RADIL: variants seen among roughly 807,000 people sequenced by gnomAD.
The protein encoded by RADIL is ras-associating and dilute domain-containing protein.
In RADIL, 99 loss-of-function variants were observed where a neutral mutation model predicts 97.6. The observed-to-expected ratio is 1.01, with a 90% confidence interval of 0.86 to 1.20. The LOEUF (loss-of-function observed/expected upper bound fraction) is 1.20, where lower values mean the gene tolerates loss of function less well. Among genes scored for constraint, RADIL ranks in the 50% most tolerant of loss-of-function variants. RADIL has a pLI of 0.00. For synonymous variants in RADIL, 803 were observed against 691.8 expected, an observed-to-expected ratio of 1.16 and a Z score of -2.52; for missense variants, 1,765 against 1,498.9, an observed-to-expected ratio of 1.18 and a Z score of -2.93.
At chr7:4,868,050 T>C (rs1415113821) in intron 2 of RADIL, among the ~76,000 whole-genome samples, 4 of 152,142 alleles carry the variant, frequency 2.6e-5, no homozygotes, top group African/African-American at 9.7e-5. Flanking sequence ...GGTTTCTTAT[T>C]ATGGGGAAAT....
chr7:4,808,048 CT>C (rs1396549430), intron 9 of RADIL, among the ~76,000 whole-genome samples: 3 of 124,036 alleles, frequency 2.4e-5, no homozygotes, highest in African/African-American at 9.5e-5. Context: ...TCCTTCCTCC[CT>C]CTCCTTCTCT....
At chr7:4,809,078 T>G (rs2115175618) in intron 9 of RADIL, 2 of 974,184 alleles carry the variant, frequency 2.1e-6, no homozygotes, top group South Asian at 9.7e-5. Flanking sequence ...CCCCTCCGCG[T>G]CTCCTGTAGA....
intron 2 of RADIL, among the ~76,000 whole-genome samples, chr7:4,853,719 GCAA>G (rs1359549100): frequency 1.5e-5 from 2 of 131,356 alleles, no homozygotes; most frequent in African/African-American, 6.3e-5. Flanking sequence ...TCCAGCCTGG[GCAA>G]CAACAGTGAA....
At chr7:4,802,993 C>T (rs1307518512) in intron 11 of RADIL, among the ~76,000 whole-genome samples, 3 of 77,540 alleles carry the variant, frequency 3.9e-5, no homozygotes, top group Non-Finnish European at 6.9e-5. Flanking sequence ...TCGGGGCACT[C>T]TGGCTGGGCC....
chr7:4,820,633 A>G (rs1374826477), intron 6 of RADIL, among the ~76,000 whole-genome samples: 2 of 152,194 alleles, frequency 1.3e-5, no homozygotes, highest in Non-Finnish European at 2.9e-5. Flanking sequence ...AGAAGGAAAC[A>G]GTGGGAAGGA....
chr7:4,804,414 C>T (rs544676341), intron 10 of RADIL, among the ~76,000 whole-genome samples: 2 of 152,242 alleles, frequency 1.3e-5, no homozygotes, highest in Non-Finnish European at 1.5e-5. Flanking sequence ...CTGCGCCTCC[C>T]GCCATCCCGT....
In RADIL at chr7:4,834,808, C is replaced by T. The variant is rs1783248698; in HGVS notation, c.1215G>A (p.Leu405=). 3 of 1,328,692 alleles carry T rather than the reference C, an allele frequency of 2.3e-6. No homozygotes were observed. In the East Asian group the frequency reaches 9.1e-5, roughly 40 times the overall value. 82.3% of individuals were successfully genotyped at this position (1,328,692 alleles called of 1,614,324 possible). A position where few individuals can be genotyped will look rare whatever the true frequency, so the allele number is the denominator to read the frequency against. Reference sequence around the variant, plus strand: ...CCAGGTGGGGCTCAAACTCCAGGAGCAGCTGCTGGCGCCGGGGCAGGGCGG... The same window carrying T: ...CCAGGTGGGGCTCAAACTCCAGGAGTAGCTGCTGGCGCCGGGGCAGGGCGG... ...TQAALPRRQQ[L]LLEFEPHLED... is the part of the protein sequence containing the mutation. Residue 405 remains leucine (L), a synonymous_variant, in exon 4 of 15, where the codon CTG becomes CTA. Coordinates refer to ENST00000399583, the MANE Select transcript of RADIL (RefSeq NM_018059.5). The surrounding 1 kb of genome is among the most constrained non-coding windows in gnomAD (Gnocchi z 6.0).
At chr7:4,833,994 G>A (rs1037753557) in intron 4 of RADIL, among the ~76,000 whole-genome samples, 1 of 152,150 alleles carries the variant, frequency 6.6e-6, no homozygotes, top group Admixed American at 6.5e-5. Flanking sequence ...TGAATCCTCT[G>A]CAATGCACAG....
rs1046907386 is a variant in RADIL, at chr7:4,818,792, C to T, written c.1616-1441G>A. Among the ~76,000 whole-genome samples the T allele has an allele frequency of 6.6e-6, 1 of 152,108 alleles. No homozygotes were observed. Among genetic ancestry groups the T allele is most frequent in the Admixed American group, 6.5e-5 (1 of 15,280 alleles). Reference sequence around the variant, plus strand: ...CCCCACATCACTCCCTGGGCAGGGGCGGGGCACTGGTGGGAAGAGGGAAAC... The same window carrying T: ...CCCCACATCACTCCCTGGGCAGGGGTGGGGCACTGGTGGGAAGAGGGAAAC... On this transcript the variant is annotated intron_variant, in intron 6 of 14. Coordinates refer to ENST00000399583, the MANE Select transcript of RADIL (RefSeq NM_018059.5). This position sits in a 1 kb window ranked among gnomAD's most constrained non-coding sequence, Gnocchi z 7.1.
At chr7:4,877,141 G>C (rs1784393233) in intron 2 of RADIL, among the ~76,000 whole-genome samples, 1 of 152,228 alleles carries the variant, frequency 6.6e-6, no homozygotes, top group African/African-American at 2.4e-5. Context: ...CTGCTGCGTA[G>C]ACAAACTACA....
In RADIL at chr7:4,801,590, G is replaced by A. The variant is rs115655191; in HGVS notation, c.2842+63C>T. On this transcript the variant is annotated intron_variant, in intron 12 of 14. Coordinates refer to ENST00000399583, the MANE Select transcript of RADIL (RefSeq NM_018059.5). ...AAGGGGGGAACGATCCCAGGGGACC[G>A]GCCATCAGGGTGCTGTGCGGGGTCT... 1.3e-3 allele frequency: 1,874 copies of A among 1,494,700 alleles called. 15 individuals are homozygous for A. In the African/African-American group the frequency reaches 0.023, roughly 18 times the overall value. 92.6% of individuals were successfully genotyped at this position (1,494,700 alleles called of 1,614,324 possible). A position where few individuals can be genotyped will look rare whatever the true frequency, so the allele number is the denominator to read the frequency against.
chr7:4,829,713 G>A (rs1039647874), intron 5 of RADIL, among the ~76,000 whole-genome samples: 1 of 152,068 alleles, frequency 6.6e-6, no homozygotes, highest in Non-Finnish European at 1.5e-5. Context: ...TAGTGAATGA[G>A]TCCTCATGAG....
At chr7:4,865,608 T>G in intron 2 of RADIL, 1 of 812,494 alleles carries the variant, frequency 1.2e-6, no homozygotes, top group Non-Finnish European at 2.2e-6. Flanking sequence ...TTGCTCTTGC[T>G]CCTTTCGATG....
At chr7:4,806,119 T>C (rs1350407759) in intron 9 of RADIL, 1 of 903,846 alleles carries the variant, frequency 1.1e-6, no homozygotes, top group Non-Finnish European at 1.3e-6. Context: ...ACATTCATCA[T>C]TTAGGTGACA....
intron 2 of RADIL, among the ~76,000 whole-genome samples, chr7:4,877,297 G>C (rs1056471983): frequency 6.6e-6 from 1 of 152,190 alleles, no homozygotes; most frequent in African/African-American, 2.4e-5. Flanking sequence ...TAAAAAATTA[G>C]CTGGGTGTGG....
chr7:4,827,232 G>A (rs1783007846), intron 5 of RADIL, among the ~76,000 whole-genome samples: 1 of 151,952 alleles, frequency 6.6e-6, no homozygotes, highest in Non-Finnish European at 1.5e-5. Context: ...GGGCATGGTG[G>A]CAGGCGCCTG....
intron 2 of RADIL, among the ~76,000 whole-genome samples, chr7:4,847,669 CA>C (rs1276591016): frequency 2.7e-4 from 29 of 109,142 alleles, no homozygotes; most frequent in African/African-American, 1.0e-3. Flanking sequence ...TGAAAAGGAA[CA>C]AAATACTGAT....
In RADIL at chr7:4,842,726, G is replaced by C. The variant is rs1310141952; in HGVS notation, c.536-6121C>G. 6.6e-6 allele frequency among the ~76,000 whole-genome samples: 1 copy of C among 152,080 alleles called. No homozygotes were observed. The highest frequency in any genetic ancestry group is 1.5e-5 in the Non-Finnish European group (1 of 68,026). On this transcript the variant is annotated intron_variant, in intron 2 of 14. Transcript: ENST00000399583. The surrounding 1 kb of genome is among the most constrained non-coding windows in gnomAD (Gnocchi z 4.5). Reference sequence around the variant, plus strand: ...TTGGAATAATGATATATACAACTTGGAACCGTTTCTGTCACCCATCCCCAC... The same window carrying C: ...TTGGAATAATGATATATACAACTTGCAACCGTTTCTGTCACCCATCCCCAC...
intron 5 of RADIL, among the ~76,000 whole-genome samples, chr7:4,827,297 G>A (rs991864768): frequency 1.3e-5 from 2 of 151,262 alleles, no homozygotes; most frequent in South Asian, 2.1e-4. Context: ...CCTGGGAGGC[G>A]GAGGCTGCGG....
Sources: allele counts gnomAD v4.1 joint callset (sites outside exome capture counted in the v4.1 genomes callset), GRCh38; gene constraint gnomAD v4.1.1; non-coding constraint Gnocchi (gnomAD v3.1); transcripts MANE v1.5; gene names NCBI Gene and HGNC (gene_info 2026-07-23, HGNC 2026-07-21).